The following SLC35D4 variants were observed in gnomAD, a reference collection of about 807,000 sequenced individuals.
SLC35D4 encodes the protein solute carrier family 35 member D4.
the SLC35D4 span, among the ~76,000 whole-genome samples, chr18:23,262,155 G>A: frequency 1.3e-5 from 2 of 152,146 alleles, no homozygotes; most frequent in African/African-American, 4.8e-5. Flanking sequence ...ATACCAAAAA[G>A]AATAGTGCCA....
chr18:23,245,656 A>AGCAGG, the SLC35D4 span, among the ~76,000 whole-genome samples: 1 of 152,220 alleles, frequency 6.6e-6, no homozygotes. Context: ...GACTGTCTCC[A>AGCAGG]GCAGGGCAGG....
At chr18:23,432,074 C>T in the SLC35D4 span, among the ~76,000 whole-genome samples, 1 of 152,190 alleles carries the variant, frequency 6.6e-6, no homozygotes, top group Admixed American at 6.5e-5. Flanking sequence ...CTATTTACTA[C>T]ATAATTCAAT....
chr18:23,376,416 G>T, the SLC35D4 span, among the ~76,000 whole-genome samples: 4 of 152,228 alleles, frequency 2.6e-5, no homozygotes, highest in African/African-American at 9.6e-5. Flanking sequence ...GCCTTGGGAA[G>T]GTCAGGACAA....
At chr18:23,338,380 A>G in the SLC35D4 span, among the ~76,000 whole-genome samples, 1 of 152,220 alleles carries the variant, frequency 6.6e-6, no homozygotes, top group African/African-American at 2.4e-5. Context: ...GGTTAATTTC[A>G]TGAGAGAATT....
chr18:23,304,846 T>G, the SLC35D4 span, among the ~76,000 whole-genome samples: 2 of 152,202 alleles, frequency 1.3e-5, no homozygotes, highest in Admixed American at 1.3e-4. Context: ...GCTAAGCCTC[T>G]TCCTCTGCAT....
chr18:23,281,026 A>G, the SLC35D4 span, among the ~76,000 whole-genome samples: 1 of 151,404 alleles, frequency 6.6e-6, no homozygotes, highest in Non-Finnish European at 1.5e-5. Flanking sequence ...AGCCTAACAC[A>G]AAAGCCCACA....
chr18:23,253,419 G>A, the SLC35D4 span, among the ~76,000 whole-genome samples: 1 of 152,218 alleles, frequency 6.6e-6, no homozygotes, highest in Non-Finnish European at 1.5e-5. Flanking sequence ...GGAGGTGGAG[G>A]TTGCAGTGAG....
chr18:23,370,500 A>G, the SLC35D4 span, among the ~76,000 whole-genome samples: 3 of 152,218 alleles, frequency 2.0e-5, no homozygotes, highest in Non-Finnish European at 4.4e-5. Flanking sequence ...ATTGGTCCCC[A>G]GAGTGCTGGG....
At chr18:23,254,536 A>G in the SLC35D4 span, among the ~76,000 whole-genome samples, 1 of 152,240 alleles carries the variant, frequency 6.6e-6, no homozygotes, top group East Asian at 1.9e-4. Context: ...ACAGTTCCCA[A>G]GAGGAGTAGT....
chr18:23,252,959 G>T, the SLC35D4 span: 1 of 1,601,414 alleles, frequency 6.2e-7, no homozygotes, highest in South Asian at 1.1e-5. Flanking sequence ...GTCTGTTACA[G>T]ACAACAGTGA....
chr18:23,309,646 A>G, the SLC35D4 span: 1 of 1,599,624 alleles, frequency 6.3e-7, no homozygotes, highest in Non-Finnish European at 8.6e-7. Context: ...TCAGTAACTA[A>G]TTGGCACTTT....
At chr18:23,264,661 G>A in the SLC35D4 span, among the ~76,000 whole-genome samples, 40 of 145,496 alleles carry the variant, frequency 2.7e-4, no homozygotes, top group African/African-American at 8.7e-4. Flanking sequence ...GTGCCCAGCC[G>A]TCATTTTTTT....
the SLC35D4 span, among the ~76,000 whole-genome samples, chr18:23,285,163 G>A: frequency 0.051 from 7,654 of 151,546 alleles, 508 homozygotes; most frequent in Admixed American, 0.19. Context: ...TCCGCACCCC[G>A]ACCTCTTATC....
the SLC35D4 span, among the ~76,000 whole-genome samples, chr18:23,364,924 AAAAAAAAAAG>A: frequency 0.026 from 44 of 1,690 alleles, 8 homozygotes; most frequent in Non-Finnish European, 0.17. Flanking sequence ...AAAAAAAAAA[AAAAAAAAAAG>A]GACTCCTTTC....
At chr18:23,296,960 A>C in the SLC35D4 span, 1 of 152,148 alleles carries the variant, frequency 6.6e-6, no homozygotes, top group Admixed American at 6.5e-5. Flanking sequence ...ACCAACCATA[A>C]AAAGGCTGTC....
chr18:23,371,099 CTCTT>C, the SLC35D4 span, among the ~76,000 whole-genome samples: 38 of 134,772 alleles, frequency 2.8e-4, no homozygotes, highest in Middle Eastern at 8.1e-3. Flanking sequence ...CTCTCTCTCT[CTCTT>C]TCTTTTTTTT....
At chr18:23,415,841 G>A in the SLC35D4 span, among the ~76,000 whole-genome samples, 1 of 152,194 alleles carries the variant, frequency 6.6e-6, no homozygotes, top group Non-Finnish European at 1.5e-5. Flanking sequence ...ACCTAGACAA[G>A]AGAATGACCC....
chr18:23,369,241 T>C, the SLC35D4 span, among the ~76,000 whole-genome samples: 85 of 152,302 alleles, frequency 5.6e-4, no homozygotes, highest in African/African-American at 1.9e-3. Flanking sequence ...CAAAAGGTGC[T>C]CCAGGGAGTG....
At chr18:23,380,029 G>A in the SLC35D4 span, among the ~76,000 whole-genome samples, 4 of 152,040 alleles carry the variant, frequency 2.6e-5, no homozygotes, top group Non-Finnish European at 4.4e-5. Context: ...ACCGGGAGGC[G>A]GAGATTGCAG....
Sources: gnomAD v4.1 joint callset for allele counts (sites outside exome capture counted in the v4.1 genomes callset) on GRCh38, gnomAD v4.1.1 for gene constraint, MANE v1.5 for transcripts, NCBI Gene and HGNC (gene_info 2026-07-23, HGNC 2026-07-21) for gene names.